LRP1B: variants seen among roughly 807,000 people sequenced by gnomAD.
LRP1B encodes LDL receptor related protein 1B.
LRP1B carries 217 observed loss-of-function variants against 556.6 expected under a neutral mutation model. The ratio of observed to expected loss-of-function variants is 0.39; its 90% CI spans 0.35 to 0.44. The LOEUF is 0.44. LRP1B is among the 20% of genes least tolerant of loss of function. The pLI is 1.00. For synonymous variants in LRP1B, 2,047 were observed against 1,865.8 expected, an observed-to-expected ratio of 1.10 and a Z score of -2.50; for missense variants, 5,053 against 5,620.8, an observed-to-expected ratio of 0.90 and a Z score of 3.23.
At chr2:141,443,478 T>C (rs1681063936) in intron 3 of LRP1B, among the ~76,000 whole-genome samples, 1 of 152,198 alleles carries the variant, frequency 6.6e-6, no homozygotes, top group Admixed American at 6.5e-5. Flanking sequence ...CCATTGCTTT[T>C]GGTGTTTTAG....
chr2:141,856,505 C>T (rs1698056598), intron 1 of LRP1B, among the ~76,000 whole-genome samples: 1 of 152,098 alleles, frequency 6.6e-6, no homozygotes, highest in East Asian at 1.9e-4. Context: ...ATTAATAGAT[C>T]ACTCCCCAGC....
chr2:141,352,748 T>A (rs1688489903), intron 3 of LRP1B, among the ~76,000 whole-genome samples: 1 of 151,962 alleles, frequency 6.6e-6, no homozygotes, highest in East Asian at 1.9e-4. Context: ...AAAGTGGAAG[T>A]ATTACAGCCT....
chr2:141,098,374 C>T (rs973840921), intron 7 of LRP1B, among the ~76,000 whole-genome samples: 1 of 152,172 alleles, frequency 6.6e-6, no homozygotes, highest in African/African-American at 2.4e-5. Context: ...TTGAAATCAG[C>T]TAATGTGAAT....
intron 1 of LRP1B, among the ~76,000 whole-genome samples, chr2:142,062,234 G>T (rs1704946254): frequency 6.6e-6 from 1 of 151,734 alleles, no homozygotes; most frequent in African/African-American, 2.4e-5. Flanking sequence ...AACTAAAAGG[G>T]TTATTAAAAA....
At chr2:140,270,664 C>T (rs1682418643) in intron 85 of LRP1B, among the ~76,000 whole-genome samples, 2 of 152,070 alleles carry the variant, frequency 1.3e-5, no homozygotes, top group African/African-American at 4.8e-5. Context: ...ACATTAGCAT[C>T]AGTATCTTGT....
chr2:141,397,939 C>T (rs1318361785), intron 3 of LRP1B, among the ~76,000 whole-genome samples: 1 of 151,640 alleles, frequency 6.6e-6, no homozygotes, highest in Non-Finnish European at 1.5e-5. Flanking sequence ...TATTTTTAAA[C>T]ATCAGAGAGT....
At position 140,903,159 on chromosome 2, in the gene LRP1B, C is replaced by G. The variant is rs1230293435; in HGVS notation, c.3527G>C (p.Cys1176Ser). The change falls in exon 23 of 91, where the codon TGT becomes TCT. Residue 1176 changes from cysteine (C) to serine (S), a missense_variant. By Grantham distance (112) the Cys-to-Ser change is moderately radical. Coordinates refer to ENST00000389484, the MANE Select transcript of LRP1B (RefSeq NM_018557.3). ...GSDEGYLCDE[C>S]SLNNGGCSNH... The stretch of plus-strand genomic sequence containing the variant: ...GCTACAGCCTCCATTGTTCAGCGAA[C>G]ACTCATCTATAAAAAGGGGGGAACA... The G allele has an allele frequency of 6.2e-7, 1 of 1,612,906 alleles. No individual in the cohort carries two copies.
At chr2:141,822,120 C>G (rs550558276) in intron 1 of LRP1B, among the ~76,000 whole-genome samples, 17,139 of 101,098 alleles carry the variant, frequency 0.17, 1,110 homozygotes, top group African/African-American at 0.23. Flanking sequence ...CACACACACA[C>G]ACACACACAC....
intron 32 of LRP1B, among the ~76,000 whole-genome samples, chr2:140,780,339 T>C (rs2104960889): frequency 6.6e-6 from 1 of 152,316 alleles, no homozygotes; most frequent in South Asian, 2.1e-4. Context: ...GGAATTTTCC[T>C]GAAGTGTAGA....
At chr2:140,329,325 A>C (rs559750593) in intron 79 of LRP1B, among the ~76,000 whole-genome samples, 5 of 152,250 alleles carry the variant, frequency 3.3e-5, no homozygotes, top group African/African-American at 1.2e-4. Context: ...ATTTCCCTTG[A>C]AAACTGGCAC....
intron 32 of LRP1B, among the ~76,000 whole-genome samples, chr2:140,799,366 A>G (rs901861924): frequency 6.6e-6 from 1 of 152,136 alleles, no homozygotes; most frequent in East Asian, 1.9e-4. Flanking sequence ...GAACCCGTCA[A>G]GAAGGCTATA....
At chr2:141,796,855 G>A (rs775568457) in intron 2 of LRP1B, among the ~76,000 whole-genome samples, 11 of 149,834 alleles carry the variant, frequency 7.3e-5, no homozygotes, top group Admixed American at 4.0e-4. Flanking sequence ...CCTTCTTCAG[G>A]GTCTACTTTC....
At chr2:140,774,637 C>G (rs1171000661) in intron 33 of LRP1B, among the ~76,000 whole-genome samples, 1 of 152,048 alleles carries the variant, frequency 6.6e-6, no homozygotes, top group African/African-American at 2.4e-5. Flanking sequence ...GCGTTATTCA[C>G]TGAGATTTAC....
intron 2 of LRP1B, among the ~76,000 whole-genome samples, chr2:141,766,968 C>T (rs982179221): frequency 2.0e-5 from 3 of 152,066 alleles, no homozygotes; most frequent in Non-Finnish European, 4.4e-5. Flanking sequence ...AATAATTTAC[C>T]TCTTTGCACA....
At chr2:140,525,384 C>A (rs1470726618) in intron 49 of LRP1B, among the ~76,000 whole-genome samples, 2 of 151,830 alleles carry the variant, frequency 1.3e-5, no homozygotes, top group Non-Finnish European at 2.9e-5. Context: ...CCTGTCTTAA[C>A]TTGATTCAAT....
intron 1 of LRP1B, among the ~76,000 whole-genome samples, chr2:141,867,658 A>G (rs868021372): frequency 1.2e-4 from 18 of 152,258 alleles, no homozygotes; most frequent in Middle Eastern, 6.8e-3. Flanking sequence ...CCTCTTAGTT[A>G]TCTTATGATA....
At chr2:141,624,022 A>AAAAAAAT (rs1688605156) in intron 2 of LRP1B, among the ~76,000 whole-genome samples, 3 of 123,018 alleles carry the variant, frequency 2.4e-5, no homozygotes, top group African/African-American at 8.5e-5. Context: ...ACTCAAAAAA[A>AAAAAAAT]AAAAAAAATT....
chr2:141,367,381 C>A (rs1689077598), intron 3 of LRP1B, among the ~76,000 whole-genome samples: 2 of 149,746 alleles, frequency 1.3e-5, no homozygotes, highest in African/African-American at 2.5e-5. Context: ...AGAAGCCACA[C>A]TTGAAATAGT....
chr2:141,463,765 A>G (rs975697094), intron 3 of LRP1B, among the ~76,000 whole-genome samples: 1 of 145,420 alleles, frequency 6.9e-6, no homozygotes, highest in Admixed American at 7.0e-5. Context: ...GCCTATGTTG[A>G]TTGTATTTCA....
Sources: allele counts gnomAD v4.1 joint callset (sites outside exome capture counted in the v4.1 genomes callset), GRCh38; gene constraint gnomAD v4.1.1; transcripts MANE v1.5; gene names NCBI Gene and HGNC (gene_info 2026-07-23, HGNC 2026-07-21).